The following BRD9 variants were observed in gnomAD, a reference collection of about 807,000 sequenced individuals.
BRD9 encodes bromodomain containing 9, also known as bromodomain-containing protein 9.
A neutral mutation model predicts 68.7 loss-of-function variants in BRD9; 47 were observed. The ratio of observed to expected loss-of-function variants is 0.68; its 90% CI spans 0.54 to 0.87. The LOEUF (loss-of-function observed/expected upper bound fraction) is 0.87. Among genes scored for constraint, BRD9 ranks in the 40% least tolerant of loss-of-function variants. The probability of loss-of-function intolerance (pLI) is 0.00; values close to 1 mark genes in which losing one functional copy is unlikely to be tolerated. For missense variants in BRD9, 670 were observed against 748.4 expected (o/e 0.90, Z 1.22); for synonymous variants, 313 against 293.9 (o/e 1.06, Z -0.67).
intron 7 of BRD9, 57 bp from the exon 8 acceptor site, chr5:884,127 TC>T: frequency 6.3e-7 from 1 of 1,583,890 alleles, no homozygotes. Flanking sequence ...GCACACCTGC[TC>T]CCCATGCGTC....
chr5:870,612 A>T (rs759081191), intron 13 of BRD9, 37 bp from the exon 14 acceptor site: 31 of 1,477,566 alleles, frequency 2.1e-5, no homozygotes, highest in Non-Finnish European at 2.9e-5. Flanking sequence ...CAATTCAAAC[A>T]TCAAACGAAA....
intron 11 of BRD9, among the ~76,000 whole-genome samples, chr5:877,999 C>T (rs1264977712): frequency 2.0e-5 from 3 of 152,318 alleles, no homozygotes; most frequent in African/African-American, 7.2e-5. Flanking sequence ...ACCTTCATGG[C>T]AAATGCCAGC....
At chr5:865,736 A>G in intron 14 of BRD9, 155 bp from the exon 15 acceptor site, 3 of 777,738 alleles carry the variant, frequency 3.9e-6, no homozygotes, top group South Asian at 1.8e-5. Flanking sequence ...ACAGGTGGAC[A>G]GGCCTGGAGG....
chr5:875,981 C>A, intron 12 of BRD9, 120 bp downstream of exon 12: 1 of 667,690 alleles, frequency 1.5e-6, no homozygotes, highest in Non-Finnish European at 2.5e-6. Flanking sequence ...GACGAGGAGC[C>A]GGCAGCAGAG....
At chr5:887,639 C>G (rs577055055) in intron 5 of BRD9, among the ~76,000 whole-genome samples, 168 bp from the exon 6 acceptor site, 1 of 152,198 alleles carries the variant, frequency 6.6e-6, no homozygotes, top group African/African-American at 2.4e-5. Context: ...GAGAAGTTTT[C>G]TTAGTTGCAC....
chr5:892,625 C>T lies in BRD9; in HGVS notation c.33G>A (p.Glu11=). 6.6e-7 allele frequency: 1 copy of T among 1,523,168 alleles called. No individual in the cohort carries two copies. The highest frequency in any genetic ancestry group is 8.8e-7 in the Non-Finnish European group (1 of 1,134,912). The allele number at this position is 1,523,168 out of a possible 1,614,324, so 94.4% of individuals were successfully genotyped here. A position where few individuals can be genotyped will look rare whatever the true frequency, so the allele number is the denominator to read the frequency against. ...CCTCACCCTCGTAGGACGAGCGCCACTCGGCCTTGTGCTTCTTGTGCTTCT... is the reference window on the plus strand; with the variant it reads ...CCTCACCCTCGTAGGACGAGCGCCATTCGGCCTTGTGCTTCTTGTGCTTCT... The part of the protein sequence containing the change: MGKKHKKHKA[E]WRSSYEDYAD... The change falls in exon 1 of 16, where the codon GAG becomes GAA. Residue 11 remains glutamate (E), a synonymous_variant. Transcript: ENST00000467963.
chr5:891,153 G>A lies in BRD9; in HGVS notation c.400+2C>T, dbSNP rs1403386669. Reference sequence around the variant, plus strand: ...GGAGAGTCTCTAAAAGTGCACCCTTGCCTGGCTGTGTCCGGCACGCTCGGA... The same window carrying A: ...GGAGAGTCTCTAAAAGTGCACCCTTACCTGGCTGTGTCCGGCACGCTCGGA... On this transcript the variant is annotated splice_donor_variant, in intron 3 of 15. Transcript: ENST00000467963. LOFTEE classifies it low-confidence loss of function (GC_TO_GT_DONOR). The A allele has an allele frequency of 6.5e-7, 1 of 1,549,124 alleles. No homozygotes were observed. The highest frequency in any genetic ancestry group is 8.7e-7 in the Non-Finnish European group (1 of 1,145,442).
intron 2 of BRD9, 128 bp from the exon 3 acceptor site, chr5:891,415 T>TGCCAGGCTCCCTCCTCAC: frequency 7.2e-7 from 1 of 1,395,136 alleles, no homozygotes. Flanking sequence ...ATCCTCCTCA[T>TGCCAGGCTCCCTCCTCAC]GCCAGGCTCC....
intron 9 of BRD9, 51 bp downstream of exon 9, chr5:881,056 C>A: frequency 6.4e-7 from 1 of 1,571,252 alleles, no homozygotes; most frequent in Non-Finnish European, 8.7e-7. Context: ...CAACGGAGGC[C>A]CAAAAAGCAG....
chr5:876,975 T>C (rs970819806), intron 11 of BRD9, among the ~76,000 whole-genome samples: 2 of 152,246 alleles, frequency 1.3e-5, no homozygotes, highest in Non-Finnish European at 2.9e-5. Flanking sequence ...GAGGCTGGCA[T>C]GGGACCACGT....
At chr5:876,070 G>T in intron 12 of BRD9, 31 bp downstream of exon 12, 1 of 1,528,604 alleles carries the variant, frequency 6.5e-7, no homozygotes, top group Non-Finnish European at 9.0e-7. Context: ...AAGGGCACCT[G>T]CCCCCCAACC....
intron 5 of BRD9, among the ~76,000 whole-genome samples, chr5:887,935 A>G (rs949451486): frequency 6.6e-6 from 1 of 152,240 alleles, no homozygotes; most frequent in African/African-American, 2.4e-5. Context: ...CTAGAAAAAG[A>G]CTTTGCCCCA....
chr5:886,017 G>A (rs1297795710), intron 7 of BRD9, among the ~76,000 whole-genome samples: 2 of 152,196 alleles, frequency 1.3e-5, no homozygotes, highest in African/African-American at 4.8e-5. Flanking sequence ...CAGCCAAGTC[G>A]GCTGCTCCCT....
At chr5:868,988 G>A (rs1042186762) in intron 14 of BRD9, 2 of 219,446 alleles carry the variant, frequency 9.1e-6, no homozygotes, top group African/African-American at 2.4e-5. Flanking sequence ...TGGCCCCACC[G>A]GCTGATGCCA....
At chr5:870,357 A>G (rs916107682) in intron 14 of BRD9, 116 bp downstream of exon 14, 85 of 788,644 alleles carry the variant, frequency 1.1e-4, no homozygotes, top group Middle Eastern at 2.5e-4. Context: ...ACCGTAACAA[A>G]AGATTTTCCT....
intron 12 of BRD9, among the ~76,000 whole-genome samples, chr5:873,637 T>C (rs1394701090): frequency 1.3e-5 from 2 of 152,226 alleles, no homozygotes; most frequent in African/African-American, 4.8e-5. Flanking sequence ...CCAGGATTTA[T>C]ACATGAGCCT....
At chr5:871,014 C>T (rs886929575) in intron 13 of BRD9, among the ~76,000 whole-genome samples, 1 of 152,244 alleles carries the variant, frequency 6.6e-6, no homozygotes, top group African/African-American at 2.4e-5. Flanking sequence ...CTCATCAGCT[C>T]CCTGCAGCTC....
At chr5:889,785 A>G (rs1156748102) in intron 3 of BRD9, 138 bp from the exon 4 acceptor site, 3 of 1,490,136 alleles carry the variant, frequency 2.0e-6, no homozygotes, top group Non-Finnish European at 2.7e-6. Context: ...ATAAAGATAC[A>G]TCCGACTCAG....
chr5:876,260 T>C (rs1750908702), intron 11 of BRD9, 48 bp from the exon 12 acceptor site: 3 of 1,475,976 alleles, frequency 2.0e-6, no homozygotes, highest in Admixed American at 1.7e-5. Context: ...CCTTGTCGCC[T>C]GGCCCTCGCG....
Sources: allele counts gnomAD v4.1 joint callset (sites outside exome capture counted in the v4.1 genomes callset), GRCh38; gene constraint gnomAD v4.1.1; transcripts MANE v1.5; gene names NCBI Gene and HGNC (gene_info 2026-07-23, HGNC 2026-07-21).